RMND5B: variants seen among roughly 807,000 people sequenced by gnomAD.
RMND5B encodes required for meiotic nuclear division 5 homolog B.
Under a neutral mutation model 50.4 loss-of-function variants are expected in RMND5B, and 42 were observed. That is an observed-to-expected ratio of 0.83 (90% confidence interval 0.65 to 1.08). The LOEUF (loss-of-function observed/expected upper bound fraction) is 1.08. Among genes scored for constraint, RMND5B ranks in the 50% least tolerant of loss-of-function variants. RMND5B has a pLI of 0.00. For missense variants in RMND5B, 463 were observed against 508.5 expected (o/e 0.91, Z 0.86); for synonymous variants, 220 against 210.0 (o/e 1.05, Z -0.41).
At chr5:178,135,768 G>C (rs1001928326) in intron 2 of RMND5B, among the ~76,000 whole-genome samples, 115 of 152,238 alleles carry the variant, frequency 7.6e-4, no homozygotes, top group African/African-American at 2.7e-3. Context: ...GCTTTGATAA[G>C]CCTGGTAGCT....
chr5:178,131,194 C>T (rs1371293314), intron 1 of RMND5B, 43 bp from the exon 2 acceptor site: 9 of 152,216 alleles, frequency 5.9e-5, no homozygotes, highest in Non-Finnish European at 1.2e-4. Context: ...CTACCCACGA[C>T]TAAGCCCCGA....
In RMND5B at chr5:178,138,353, A is replaced by G. The variant is rs140927496; in HGVS notation, c.139+95A>G. On this transcript the variant is annotated intron_variant, in intron 3 of 10. Coordinates refer to ENST00000313386, the MANE Select transcript of RMND5B (RefSeq NM_022762.5). The surrounding 1 kb of genome is among the most constrained non-coding windows in gnomAD (Gnocchi z 5.1). ...GTGACAGGGTTCCGGAAGGACGATG[A>G]TGAGGATGTTGGTACCTGCATCTGT... 1,086 of 1,501,024 alleles carry G rather than the reference A, an allele frequency of 7.2e-4. 4 individuals carry two copies. In the African/African-American group the frequency reaches 0.012, roughly 17 times the overall value. 93.0% of individuals were successfully genotyped at this position (1,501,024 alleles called of 1,614,324 possible).
At position 178,149,794 on chromosome 5, in the gene RMND5B, T is replaced by C. The variant is rs1004048449; in HGVS notation, c.*1762T>C. 6.2e-7 allele frequency: 1 copy of C among 1,613,860 alleles called. No individual in the cohort carries two copies. The highest frequency in any genetic ancestry group is 1.3e-5 in the African/African-American group (1 of 74,912). On this transcript the variant is annotated 3_prime_UTR_variant, in exon 11 of 11. Coordinates refer to ENST00000313386, the MANE Select transcript of RMND5B (RefSeq NM_022762.5). ...GGTACTCCTCATGGGGCTTGACCAT[T>C]ATCACACAGGTGGGGCGCTTGGAGC...
intron 2 of RMND5B, among the ~76,000 whole-genome samples, chr5:178,132,222 C>T (rs1758352899): frequency 6.6e-6 from 1 of 152,128 alleles, no homozygotes; most frequent in African/African-American, 2.4e-5. Flanking sequence ...GGGAGGATCA[C>T]TTGAGGCCAG....
rs753711314 is a variant in RMND5B at position 178,143,996 on chromosome 5, C to G, written c.582C>G (p.Phe194Leu). The G allele has an allele frequency of 6.2e-7, 1 of 1,614,264 alleles. No homozygotes were observed. Among genetic ancestry groups the G allele is most frequent in the South Asian group, 1.1e-5 (1 of 91,088 alleles). Reference sequence around the variant, plus strand: ...TGGAACTCAACAGCTCCCTGGAGTTCAAGCTGCACCGACTGCACTTCATCC... The same window carrying G: ...TGGAACTCAACAGCTCCCTGGAGTTGAAGCTGCACCGACTGCACTTCATCC... Reference protein sequence around the residue: ...RLLELNSSLEFKLHRLHFIRL... With the variant: ...RLLELNSSLELKLHRLHFIRL... Residue 194 changes from phenylalanine to leucine, a missense_variant, in exon 7 of 11, where the codon TTC becomes TTG. Coordinates refer to ENST00000313386, the MANE Select transcript of RMND5B (RefSeq NM_022762.5).
intron 3 of RMND5B, among the ~76,000 whole-genome samples, chr5:178,139,590 C>G (rs887782541): frequency 1.3e-5 from 2 of 148,312 alleles, no homozygotes; most frequent in African/African-American, 5.0e-5. Context: ...ATTGCCCAGG[C>G]TGGAGTGCAA....
chr5:178,135,310 C>A, intron 2 of RMND5B: 2 of 206,006 alleles, frequency 9.7e-6, no homozygotes, highest in South Asian at 4.8e-5. Flanking sequence ...CCACCATGCC[C>A]AGGTAAATTT....
intron 2 of RMND5B, among the ~76,000 whole-genome samples, chr5:178,135,759 C>T (rs1758589080): frequency 6.6e-6 from 1 of 152,152 alleles, no homozygotes; most frequent in Non-Finnish European, 1.5e-5. Context: ...TTGAGCTTGG[C>T]TTTGATAAGC....
intron 8 of RMND5B, 163 bp downstream of exon 8, chr5:178,146,442 T>G (rs575187706): frequency 1.5e-6 from 1 of 657,342 alleles, no homozygotes; most frequent in Non-Finnish European, 2.5e-6. Context: ...TTTTTACAGT[T>G]AAACTGAGAC....
At chr5:178,145,471 C>T (rs1204580866) in intron 7 of RMND5B, among the ~76,000 whole-genome samples, 1 of 147,952 alleles carries the variant, frequency 6.8e-6, no homozygotes. Flanking sequence ...TCCAGCCTGG[C>T]GACAGAGCGA....
intron 2 of RMND5B, chr5:178,133,714 A>G (rs1758460242): frequency 1.4e-5 from 2 of 143,510 alleles, no homozygotes. Flanking sequence ...CCAATCAACA[A>G]TTTTTTTTTT....
In RMND5B at chr5:178,142,584, C is replaced by T. The variant is rs1054769654; in HGVS notation, c.141C>T (p.Ala47=). 1.9e-6 allele frequency: 3 copies of T among 1,609,430 alleles called. No homozygotes were observed. In the African/African-American group the frequency reaches 4.0e-5, roughly 21 times the overall value. ...GQLRAELASA[A]LQGTPLSATL... is the part of the protein sequence containing the mutation. The stretch of plus-strand genomic sequence containing the variant: ...GTCCTTATTCCACTTTCTCTGCAGC[C>T]CTCCAGGGGACCCCTCTCTCAGCCA... The change falls in exon 4 of 11, where the codon GCC becomes GCT. Residue 47 remains alanine (A), a splice_region_variant and synonymous_variant. Transcript: ENST00000313386.
At chr5:178,132,787 CACAAAAAAAAA>C (rs1758397958) in intron 2 of RMND5B, among the ~76,000 whole-genome samples, 1 of 23,734 alleles carries the variant, frequency 4.2e-5, no homozygotes. Flanking sequence ...GACCCTGCCT[CACAAAAAAAAA>C]AAAAAAAAAA....
chr5:178,143,520 C>T (rs1214637463), intron 5 of RMND5B, 107 bp from the exon 6 acceptor site: 4 of 878,880 alleles, frequency 4.6e-6, no homozygotes, highest in Non-Finnish European at 7.4e-6. Flanking sequence ...AAGCAAAGCC[C>T]AGCTCTCTGG....
At chr5:178,147,311 G>A in intron 8 of RMND5B, 1 of 577,196 alleles carries the variant, frequency 1.7e-6, no homozygotes, top group Non-Finnish European at 3.1e-6. Context: ...TTCCCTGTAG[G>A]TTCTCAAATT....
At chr5:178,143,095 T>G in intron 5 of RMND5B, 103 bp downstream of exon 5, 4 of 1,366,028 alleles carry the variant, frequency 2.9e-6, no homozygotes, top group Non-Finnish European at 4.0e-6. Flanking sequence ...ATTTATTTCC[T>G]AAAGGAAATC....
rs138696545 is a variant in RMND5B, at chr5:178,146,227, C to A, written c.808C>A (p.Arg270=). Residue 270 remains arginine (R), a synonymous_variant, in exon 8 of 11, where the codon CGG becomes AGG. Transcript: ENST00000313386. ...HWAEICETFT[R]DACSLLGLSV... Reference sequence around the variant, plus strand: ...GGCAGAGATCTGTGAGACCTTTACCCGGGACGCCTGTTCCCTGCTGGGGCT... The same window carrying A: ...GGCAGAGATCTGTGAGACCTTTACCAGGGACGCCTGTTCCCTGCTGGGGCT... 2.5e-4 allele frequency: 400 copies of A among 1,614,166 alleles called. 4 individuals carry two copies. In the South Asian group the frequency reaches 4.1e-3, roughly 17 times the overall value.
chr5:178,150,110 C>T lies in RMND5B; in HGVS notation c.*2078C>T. On this transcript the variant is annotated 3_prime_UTR_variant, in exon 11 of 11. Transcript: ENST00000313386. The stretch of plus-strand genomic sequence containing the variant: ...GCTGTCCCGGTCCCTGCCACCCCCA[C>T]TTCCTGTGCCTCAGATCTGGCCCCT... 1 of 357,632 alleles carries T rather than the reference C, an allele frequency of 2.8e-6. No individual in the cohort carries two copies. 22.2% of individuals were successfully genotyped at this position (357,632 alleles called of 1,614,324 possible).
intron 2 of RMND5B, among the ~76,000 whole-genome samples, chr5:178,133,986 T>C (rs1264197233): frequency 6.6e-6 from 1 of 152,236 alleles, no homozygotes; most frequent in Non-Finnish European, 1.5e-5. Flanking sequence ...GTGTTGGGAT[T>C]ACAGGCGTGA....
Sources: gnomAD v4.1 joint callset for allele counts (sites outside exome capture counted in the v4.1 genomes callset) on GRCh38, gnomAD v4.1.1 for gene constraint, Gnocchi (gnomAD v3.1) non-coding constraint, MANE v1.5 for transcripts, NCBI Gene and HGNC (gene_info 2026-07-23, HGNC 2026-07-21) for gene names.